USP25: variants seen among roughly 807,000 people sequenced by gnomAD.
The protein encoded by USP25 is ubiquitin specific peptidase 25, also known as ubiquitin carboxyl-terminal hydrolase 25.
A neutral mutation model predicts 158.5 loss-of-function variants in USP25; 85 were observed. The observed-to-expected ratio is 0.54, with a 90% CI of 0.45 to 0.64. USP25 has a LOEUF of 0.64. USP25 is among the 30% of genes least tolerant of loss of function. USP25 has a pLI of 0.00. For missense variants in USP25, 1,242 were observed against 1,327.3 expected, an observed-to-expected ratio of 0.94 and a Z score of 1.00; for synonymous variants, 464 against 460.4, an observed-to-expected ratio of 1.01 and a Z score of -0.10.
chr21:15,756,498 T>A (rs1474401363), intron 1 of USP25, among the ~76,000 whole-genome samples: 1 of 152,144 alleles, frequency 6.6e-6, no homozygotes, highest in Non-Finnish European at 1.5e-5. Context: ...TTTTTTTGCA[T>A]CCTCAAAAAG....
intron 1 of USP25, among the ~76,000 whole-genome samples, chr21:15,752,740 G>C (rs2033114822): frequency 6.6e-6 from 1 of 152,190 alleles, no homozygotes; most frequent in Admixed American, 6.5e-5. Context: ...TCTATAAAAA[G>C]TAGGAAGAGA....
At chr21:15,851,709 G>C (rs1222575890) in intron 20 of USP25, among the ~76,000 whole-genome samples, 1 of 151,714 alleles carries the variant, frequency 6.6e-6, no homozygotes, top group African/African-American at 2.4e-5. Flanking sequence ...TACTGATTTA[G>C]TTCAAAGCTG....
chr21:15,834,259 A>G (rs914093391), intron 17 of USP25, among the ~76,000 whole-genome samples: 2 of 151,546 alleles, frequency 1.3e-5, no homozygotes, highest in Non-Finnish European at 2.9e-5. Context: ...TTGAAAATAT[A>G]TTGTCTTTTT....
At chr21:15,810,944 C>T (rs974099157) in intron 8 of USP25, among the ~76,000 whole-genome samples, 193 bp from the exon 9 acceptor site, 3 of 152,132 alleles carry the variant, frequency 2.0e-5, no homozygotes, top group East Asian at 3.8e-4. Flanking sequence ...CATAGTTATC[C>T]GCAGTTGACA....
chr21:15,859,492 G>A (rs1481070603), intron 20 of USP25, among the ~76,000 whole-genome samples: 1 of 152,130 alleles, frequency 6.6e-6, no homozygotes, highest in African/African-American at 2.4e-5. Flanking sequence ...ACTGCGCCCG[G>A]CCGCTTTCTC....
chr21:15,820,767 C>T (rs2037191373), intron 10 of USP25, among the ~76,000 whole-genome samples: 1 of 151,906 alleles, frequency 6.6e-6, no homozygotes, highest in Admixed American at 6.6e-5. Flanking sequence ...ATAACAATAG[C>T]TTTTTCCTCA....
At chr21:15,863,402 A>G (rs2039516666) in intron 20 of USP25, among the ~76,000 whole-genome samples, 1 of 152,110 alleles carries the variant, frequency 6.6e-6, no homozygotes, top group Admixed American at 6.6e-5. Context: ...TCTTTTTGTG[A>G]TAATTATAAC....
At chr21:15,790,576 C>G (rs933966541) in intron 4 of USP25, among the ~76,000 whole-genome samples, 1 of 150,970 alleles carries the variant, frequency 6.6e-6, no homozygotes, top group African/African-American at 2.4e-5. Flanking sequence ...TACTCAGGTT[C>G]TGGTAATTAA....
chr21:15,804,546 A>G (rs1190364474), intron 6 of USP25, among the ~76,000 whole-genome samples: 1 of 152,022 alleles, frequency 6.6e-6, no homozygotes, highest in East Asian at 1.9e-4. Context: ...ATATTAGTCT[A>G]ATAATTAAGA....
intron 20 of USP25, among the ~76,000 whole-genome samples, chr21:15,858,049 GT>G (rs1436691320): frequency 1.1e-4 from 16 of 151,878 alleles, no homozygotes; most frequent in South Asian, 6.2e-4. Context: ...CACTGATCTA[GT>G]TTTCTGTTTT....
chr21:15,840,163 C>A (rs1185578243), intron 17 of USP25, among the ~76,000 whole-genome samples: 12 of 152,106 alleles, frequency 7.9e-5, no homozygotes, highest in Admixed American at 7.9e-4. Context: ...CTATTCTTTT[C>A]TCCAAGATAA....
intron 22 of USP25, 143 bp downstream of exon 22, chr21:15,866,487 A>T: frequency 2.2e-6 from 1 of 457,608 alleles, no homozygotes; most frequent in East Asian, 3.7e-5. Context: ...TGCTCAAGTA[A>T]TTAATAATTT....
intron 1 of USP25, chr21:15,744,948 G>C (rs1052955744): frequency 1.3e-5 from 2 of 152,246 alleles, no homozygotes; most frequent in Admixed American, 6.5e-5. Context: ...ATGAGCAGAA[G>C]AGTGTGTAGA....
rs773590919 is a variant in USP25 at position 15,766,183 on chromosome 21, C to T, written c.268+42C>T. 1 of 1,543,582 alleles carries T rather than the reference C, an allele frequency of 6.5e-7. No homozygotes were observed. The highest frequency in any genetic ancestry group is 2.0e-5 in the Admixed American group (1 of 49,156). On this transcript the variant is annotated intron_variant, in intron 3 of 25. Transcript: ENST00000400183. This position sits in a 1 kb window ranked among gnomAD's most constrained non-coding sequence, Gnocchi z 4.0. ...TTCTTATTATTTTAATAGAAACATACTGAAAAACTTTTCTTGGTGTAATAT... is the reference window on the plus strand; with the variant it reads ...TTCTTATTATTTTAATAGAAACATATTGAAAAACTTTTCTTGGTGTAATAT...
chr21:15,865,079 T>C (rs947894532), intron 21 of USP25, among the ~76,000 whole-genome samples: 1 of 152,138 alleles, frequency 6.6e-6, no homozygotes, highest in South Asian at 2.1e-4. Context: ...TTCTGTAGAA[T>C]ATAGAAAATA....
At chr21:15,874,046 A>G (rs1445100601) in intron 23 of USP25, among the ~76,000 whole-genome samples, 1 of 152,202 alleles carries the variant, frequency 6.6e-6, no homozygotes, top group Non-Finnish European at 1.5e-5. Flanking sequence ...TGCGTTAAAC[A>G]ATTAGATTGT....
chr21:15,764,148 C>T (rs1880104598), intron 2 of USP25, among the ~76,000 whole-genome samples: 2 of 152,030 alleles, frequency 1.3e-5, no homozygotes, highest in South Asian at 4.1e-4. Flanking sequence ...AAGTGCTATA[C>T]CTCAATTTTT....
At chr21:15,853,311 A>T (rs1184531916) in intron 20 of USP25, among the ~76,000 whole-genome samples, 4 of 151,992 alleles carry the variant, frequency 2.6e-5, no homozygotes, top group African/African-American at 4.8e-5. Context: ...ACACACAGGT[A>T]CACACATGTA....
In USP25 at chr21:15,826,271, T is replaced by G; in HGVS notation, c.1372T>G (p.Phe458Val). ...LVDVLQYALEFASSKPVCTSP... is the reference protein window; with the variant it reads ...LVDVLQYALEVASSKPVCTSP... Reference sequence around the variant, plus strand: ...AGATGTTCTTCAGTATGCATTGGAATTTGCCTCAAGTAAACCTGTTTGCAC... The same window carrying G: ...AGATGTTCTTCAGTATGCATTGGAAGTTGCCTCAAGTAAACCTGTTTGCAC... Residue 458 changes from phenylalanine (F) to valine (V), a missense_variant, in exon 13 of 26, where the codon TTT (phenylalanine) becomes GTT (valine). Phe to Val is a conservative substitution (Grantham distance 50, BLOSUM62 -1). This residue lies in a region of USP25 where 627 missense variants were observed against 701.4 expected (regional missense o/e 0.89). Transcript: ENST00000400183. This position sits in a 1 kb window ranked among gnomAD's most constrained non-coding sequence, Gnocchi z 4.8. The G allele has an allele frequency of 1.2e-6, 2 of 1,614,116 alleles. No homozygotes were observed. Among genetic ancestry groups the G allele is most frequent in the Non-Finnish European group, 1.7e-6 (2 of 1,179,970 alleles).
Sources: allele counts gnomAD v4.1 joint callset (sites outside exome capture counted in the v4.1 genomes callset), GRCh38; gene constraint gnomAD v4.1.1; regional missense constraint gnomAD v4.1.1; non-coding constraint Gnocchi (gnomAD v3.1); transcripts MANE v1.5; gene names NCBI Gene and HGNC (gene_info 2026-07-23, HGNC 2026-07-21).